The following ZNF385D variants were observed in gnomAD, a reference collection of about 807,000 sequenced individuals.
ZNF385D encodes zinc finger protein 659.
A neutral mutation model predicts 35.8 loss-of-function variants in ZNF385D; 15 were observed. The observed-to-expected ratio is 0.42, with a 90% CI of 0.28 to 0.64. The LOEUF (loss-of-function observed/expected upper bound fraction) is 0.64, where lower values mean the gene tolerates loss of function less well. ZNF385D is among the 30% of genes least tolerant of loss of function. The probability of loss-of-function intolerance (pLI) is 0.23; values close to 1 mark genes in which losing one functional copy is unlikely to be tolerated. For missense variants in ZNF385D, 474 were observed against 494.6 expected (o/e 0.96, Z 0.39); for synonymous variants, 212 against 186.8 (o/e 1.13, Z -1.10).
intron 3 of ZNF385D, among the ~76,000 whole-genome samples, chr3:21,797,336 C>T (rs542818982): frequency 1.3e-5 from 2 of 152,292 alleles, no homozygotes; most frequent in Admixed American, 1.3e-4. Context: ...ACACTAACAA[C>T]ATGAAACATT....
intron 3 of ZNF385D, among the ~76,000 whole-genome samples, chr3:21,551,276 C>G (rs1425211422): frequency 6.6e-6 from 1 of 152,164 alleles, no homozygotes; most frequent in African/African-American, 2.4e-5. Context: ...TGCTGCCCTC[C>G]CGTGACCAGA....
At chr3:22,028,282 T>C (rs898963428) in intron 3 of ZNF385D, among the ~76,000 whole-genome samples, 14 of 152,144 alleles carry the variant, frequency 9.2e-5, no homozygotes, top group Admixed American at 6.5e-5. Flanking sequence ...GAATGACCTG[T>C]TCTGTCAACA....
At chr3:21,916,456 A>G (rs1229107223) in intron 3 of ZNF385D, among the ~76,000 whole-genome samples, 1 of 152,206 alleles carries the variant, frequency 6.6e-6, no homozygotes, top group Non-Finnish European at 1.5e-5. Flanking sequence ...ATCTGCACCC[A>G]ATTAATACTT....
chr3:21,574,154 AC>A (rs1368914932), intron 2 of ZNF385D, among the ~76,000 whole-genome samples: 5 of 152,176 alleles, frequency 3.3e-5, no homozygotes, highest in African/African-American at 9.6e-5. Context: ...TAAAGAGACA[AC>A]TAGGCATCAA....
intron 3 of ZNF385D, among the ~76,000 whole-genome samples, chr3:22,094,046 A>G (rs958007945): frequency 9.2e-5 from 14 of 152,106 alleles, no homozygotes; most frequent in Non-Finnish European, 1.9e-4. Flanking sequence ...AAGTGGGTTG[A>G]CTGGATTTTA....
chr3:22,041,280 T>C lies in ZNF385D; in HGVS notation c.325+127537A>G, dbSNP rs202083496. Among the ~76,000 whole-genome samples, 230 of 152,268 alleles carry C rather than the reference T, an allele frequency of 1.5e-3. 7 individuals carry two copies. In the South Asian group the frequency reaches 0.043, roughly 29 times the overall value. On this transcript the variant is annotated intron_variant, in intron 3 of 5. Coordinates refer to the ZNF385D transcript ENST00000494108. ...CTCTGAAATAGGCCATGTGTTCACA[T>C]TGAACTATAGCCAGGCATCTATAGT...
At chr3:21,764,119 G>A (rs2070732178) in intron 3 of ZNF385D, among the ~76,000 whole-genome samples, 1 of 152,124 alleles carries the variant, frequency 6.6e-6, no homozygotes, top group Admixed American at 6.6e-5. Flanking sequence ...CTAATATAAA[G>A]AACGCGGTTG....
At chr3:22,286,492 A>C (rs973014641) in intron 2 of ZNF385D, among the ~76,000 whole-genome samples, 1 of 152,022 alleles carries the variant, frequency 6.6e-6, no homozygotes, top group African/African-American at 2.4e-5. Context: ...ATAATGTTAG[A>C]TTGCTCATTT....
intron 3 of ZNF385D, among the ~76,000 whole-genome samples, chr3:21,987,226 G>T (rs1203707812): frequency 9.4e-4 from 123 of 130,970 alleles, no homozygotes; most frequent in Middle Eastern, 4.1e-3. Flanking sequence ...GTTAGCTGGT[G>T]ATTTTGCTCG....
chr3:21,608,634 A>G (rs1162933894), intron 2 of ZNF385D, among the ~76,000 whole-genome samples: 2 of 152,224 alleles, frequency 1.3e-5, no homozygotes, highest in Non-Finnish European at 2.9e-5. Context: ...TGACTTATAC[A>G]AAGAGTTCAA....
chr3:21,804,124 A>C (rs1196261099), intron 3 of ZNF385D, among the ~76,000 whole-genome samples: 1 of 152,234 alleles, frequency 6.6e-6, no homozygotes, highest in African/African-American at 2.4e-5. Context: ...AAAAGTGTGT[A>C]AATTTCTTGT....
intron 3 of ZNF385D, among the ~76,000 whole-genome samples, chr3:22,125,106 T>C (rs1003621501): frequency 2.4e-4 from 36 of 152,242 alleles, no homozygotes; most frequent in African/African-American, 7.7e-4. Flanking sequence ...GGAAAAAAGA[T>C]AGCAGCTAGT....
Position 21,780,253 on chromosome 3 carries a change from C to T in ZNF385D, c.326-115225G>A, listed in dbSNP as rs76343797. ...CAACCTCTTTAACAATCCTATGAGA[C>T]GAGTTTCACACATTTCAAAAGAAAG... On this transcript the variant is annotated intron_variant, in intron 3 of 5. Coordinates refer to the ZNF385D transcript ENST00000494108. Among the ~76,000 whole-genome samples, 849 of 152,092 alleles carry T rather than the reference C, an allele frequency of 5.6e-3. 13 individuals carry two copies. Among genetic ancestry groups the T allele is most frequent in the African/African-American group, 0.02 (815 of 41,536 alleles).
chr3:21,809,741 C>T (rs571409168), intron 3 of ZNF385D, among the ~76,000 whole-genome samples: 3 of 150,922 alleles, frequency 2.0e-5, no homozygotes, highest in South Asian at 2.1e-4. Context: ...TATATATATA[C>T]ACACATACTG....
At chr3:22,149,299 C>A (rs970282756) in intron 3 of ZNF385D, among the ~76,000 whole-genome samples, 3 of 152,204 alleles carry the variant, frequency 2.0e-5, no homozygotes, top group Middle Eastern at 3.4e-3. Context: ...TAGCATTTAA[C>A]AAGAACTAAT....
rs111326700 is a variant in ZNF385D, at chr3:21,564,171, A to T, written c.276+403T>A. Reference sequence around the variant, plus strand: ...TGAGGCCTCCATTCCAGGCAAAAAAAGTTTATAAACTCAAAATCTTGATCT... The same window carrying T: ...TGAGGCCTCCATTCCAGGCAAAAAATGTTTATAAACTCAAAATCTTGATCT... On this transcript the variant is annotated intron_variant, in intron 3 of 7. Coordinates refer to ENST00000281523, the MANE Select transcript of ZNF385D (RefSeq NM_024697.3). Among the ~76,000 whole-genome samples, 275 of 152,300 alleles carry T rather than the reference A, an allele frequency of 1.8e-3. 1 individual carries two copies. The highest frequency in any genetic ancestry group is 6.3e-3 in the African/African-American group (263 of 41,584).
intron 3 of ZNF385D, among the ~76,000 whole-genome samples, chr3:21,537,998 A>C (rs2062077090): frequency 6.6e-6 from 1 of 152,120 alleles, no homozygotes; most frequent in African/African-American, 2.4e-5. Context: ...AGAAGCAGTC[A>C]GATTCTGGAT....
At chr3:22,196,557 GTTT>G (rs1477169887) in intron 2 of ZNF385D, among the ~76,000 whole-genome samples, 1 of 151,332 alleles carries the variant, frequency 6.6e-6, no homozygotes, top group Non-Finnish European at 1.5e-5. Context: ...TAATATTGTG[GTTT>G]ATTATTATTT....
At chr3:21,670,559 G>A (rs919345581) in intron 1 of ZNF385D, among the ~76,000 whole-genome samples, 21 of 147,856 alleles carry the variant, frequency 1.4e-4, no homozygotes, top group Non-Finnish European at 1.0e-4. Flanking sequence ...TGTGATAGTA[G>A]GCATAAAAAC....
Sources: allele counts gnomAD v4.1 joint callset (sites outside exome capture counted in the v4.1 genomes callset), GRCh38; gene constraint gnomAD v4.1.1; transcripts MANE v1.5; gene names NCBI Gene and HGNC (gene_info 2026-07-23, HGNC 2026-07-21).